The following NWD2 variants were observed in gnomAD, a reference collection of about 807,000 sequenced individuals.
NWD2 encodes NACHT and WD repeat domain containing 2.
NWD2 carries 37 observed loss-of-function variants against 132.7 expected under a neutral mutation model. The ratio of observed to expected loss-of-function variants is 0.28; its 90% CI spans 0.21 to 0.37. NWD2 has a LOEUF of 0.37. NWD2 is among the 10% of genes least tolerant of loss of function. NWD2 has a pLI of 1.00. For synonymous variants in NWD2, 705 were observed against 803.0 expected (o/e 0.88, Z 2.06); for missense variants, 1,592 against 2,122.4 (o/e 0.75, Z 4.91).
rs569816903 is a variant in NWD2 at position 37,313,345 on chromosome 4, G to T, written c.152-12591G>T. Among the ~76,000 whole-genome samples, 24 of 151,094 alleles carry T rather than the reference G, an allele frequency of 1.6e-4. 1 individual carries two copies. In the South Asian group the frequency reaches 5.0e-3, roughly 31 times the overall value. On this transcript the variant is annotated intron_variant, in intron 1 of 6. Coordinates refer to ENST00000309447, the MANE Select transcript of NWD2 (RefSeq NM_001144990.2). Reference sequence around the variant, plus strand: ...TATTCAGAGATTCAACTTCTTCCTGGTTTGGTCTTGGGAGGGTGTATGTGT... The same window carrying T: ...TATTCAGAGATTCAACTTCTTCCTGTTTTGGTCTTGGGAGGGTGTATGTGT...
chr4:37,369,731 G>A (rs983881901), intron 3 of NWD2, among the ~76,000 whole-genome samples: 2 of 152,134 alleles, frequency 1.3e-5, no homozygotes, highest in Non-Finnish European at 2.9e-5. Context: ...AGGTAGAGGG[G>A]GGGTCAAAGT....
intron 3 of NWD2, among the ~76,000 whole-genome samples, chr4:37,375,713 T>C (rs1396472127): frequency 1.3e-5 from 2 of 152,010 alleles, no homozygotes; most frequent in African/African-American, 2.4e-5. Flanking sequence ...GGACTACAGG[T>C]CCCTGCCACC....
intron 1 of NWD2, among the ~76,000 whole-genome samples, chr4:37,270,908 G>A (rs1717859011): frequency 6.6e-6 from 1 of 151,804 alleles, no homozygotes; most frequent in Non-Finnish European, 1.5e-5. Context: ...TCCAGTTTGA[G>A]TGGATTTTTG....
At chr4:37,296,711 G>T (rs540263237) in intron 1 of NWD2, among the ~76,000 whole-genome samples, 1 of 151,976 alleles carries the variant, frequency 6.6e-6, no homozygotes, top group Admixed American at 6.6e-5. Context: ...GGGGACCTAG[G>T]GATAAAAAAG....
chr4:37,419,987 A>G (rs557258612), intron 3 of NWD2, among the ~76,000 whole-genome samples: 1 of 152,318 alleles, frequency 6.6e-6, no homozygotes, highest in East Asian at 1.9e-4. Context: ...ACTCTGTCTG[A>G]GAGTGCCTGT....
chr4:37,314,720 A>G (rs111571377), intron 1 of NWD2, among the ~76,000 whole-genome samples: 106 of 152,130 alleles, frequency 7.0e-4, no homozygotes, highest in African/African-American at 2.4e-3. Context: ...CAAGGAACCA[A>G]CTTTTTACTT....
intron 1 of NWD2, among the ~76,000 whole-genome samples, chr4:37,318,563 A>G (rs1719004977): frequency 6.6e-6 from 1 of 152,062 alleles, no homozygotes; most frequent in Non-Finnish European, 1.5e-5. Flanking sequence ...AGTGCCCAAC[A>G]GTTAGTTTTG....
intron 1 of NWD2, among the ~76,000 whole-genome samples, chr4:37,281,933 A>G (rs1192550209): frequency 4.6e-5 from 7 of 152,210 alleles, no homozygotes; most frequent in Admixed American, 3.3e-4. Context: ...ATGGCTAAAC[A>G]TAGCTTCATA....
At chr4:37,284,278 C>A (rs754144108) in intron 1 of NWD2, among the ~76,000 whole-genome samples, 1 of 152,224 alleles carries the variant, frequency 6.6e-6, no homozygotes, top group Non-Finnish European at 1.5e-5. Flanking sequence ...TGTAAGGTCA[C>A]TAATCCAATC....
intron 1 of NWD2, among the ~76,000 whole-genome samples, chr4:37,248,769 A>C (rs1717294413): frequency 6.6e-6 from 1 of 152,206 alleles, no homozygotes; most frequent in Admixed American, 6.5e-5. Context: ...AGTTTATAGG[A>C]AGGTACAGTC....
rs537576965 is a variant in NWD2 at position 37,285,184 on chromosome 4, C to G, written c.151+39966C>G. Among the ~76,000 whole-genome samples, 20 of 152,276 alleles carry G rather than the reference C, an allele frequency of 1.3e-4. No homozygotes were observed. The South Asian group carries it at 4.1e-3, about 32-fold the overall frequency. Reference sequence around the variant, plus strand: ...AGTCACAGTAATTATTGGCAGAACTCAAATTTAGTTCATATGACTCTTGTG... The same window carrying G: ...AGTCACAGTAATTATTGGCAGAACTGAAATTTAGTTCATATGACTCTTGTG... On this transcript the variant is annotated intron_variant, in intron 1 of 6. Transcript: ENST00000309447.
At chr4:37,290,861 G>A (rs1399297234) in intron 1 of NWD2, among the ~76,000 whole-genome samples, 1 of 152,186 alleles carries the variant, frequency 6.6e-6, no homozygotes, top group African/African-American at 2.4e-5. Flanking sequence ...ATTAGTTTCT[G>A]AGTTTGACTG....
chr4:37,318,225 C>T (rs1231434757), intron 1 of NWD2, among the ~76,000 whole-genome samples: 4 of 151,884 alleles, frequency 2.6e-5, no homozygotes, highest in Non-Finnish European at 4.4e-5. Context: ...TGGGGTTTCA[C>T]CATGTTGGCC....
In NWD2 at chr4:37,360,445, AATATTTGTAAAATGCATATGGTACATAT is replaced by A. The variant is rs1348313006; in HGVS notation, c.357+3970_357+3997del. ...TCTTATGTGTATATTAATAAAATGT[AATATTTGTAAAATGCATATGGTACATAT>A]ATATTTTGTTTTTCTAGATATGAAT... On this transcript the variant is annotated intron_variant, in intron 3 of 6. Transcript: ENST00000309447. Among the ~76,000 whole-genome samples, 3 of 152,220 alleles carry A rather than the reference AATATTTGTAAAATGCATATGGTACATAT, an allele frequency of 2.0e-5. No homozygotes were observed. In the East Asian group the frequency reaches 5.8e-4, roughly 29 times the overall value.
chr4:37,425,431 T>C (rs984835657), intron 3 of NWD2, among the ~76,000 whole-genome samples: 3 of 152,230 alleles, frequency 2.0e-5, no homozygotes, highest in African/African-American at 7.2e-5. Context: ...TGTTTAAGAA[T>C]AGGCCAATTT....
chr4:37,247,892 G>A (rs1283122695), intron 1 of NWD2, among the ~76,000 whole-genome samples: 1 of 152,158 alleles, frequency 6.6e-6, no homozygotes, highest in Non-Finnish European at 1.5e-5. Context: ...TTACAGGTGT[G>A]AGCCACCGCA....
At chr4:37,313,693 T>C (rs1377077825) in intron 1 of NWD2, among the ~76,000 whole-genome samples, 1 of 150,878 alleles carries the variant, frequency 6.6e-6, no homozygotes, top group East Asian at 1.9e-4. Flanking sequence ...TTTTTGTTTG[T>C]TTGTTTGTTG....
Position 37,448,431 on chromosome 4 carries a change from C to A in NWD2, c.*1214C>A, listed in dbSNP as rs925327969. 3 of 152,126 alleles carry A rather than the reference C, an allele frequency of 2.0e-5. No individual in the cohort carries two copies. Among genetic ancestry groups the A allele is most frequent in the Non-Finnish European group, 4.4e-5 (3 of 68,006 alleles). The allele number at this position is 152,126 out of a possible 1,614,324, so 9.4% of individuals were successfully genotyped here. A position where few individuals can be genotyped will look rare whatever the true frequency, so the allele number is the denominator to read the frequency against. On this transcript the variant is annotated 3_prime_UTR_variant, in exon 7 of 7. Transcript: ENST00000309447. ...AGGACTCTTCTGAGCCTTTTATAGT[C>A]CTATCCATTTCAAAGCAGAAGCTGT...
intron 1 of NWD2, among the ~76,000 whole-genome samples, chr4:37,315,571 A>C (rs10001995): frequency 0.073 from 11,071 of 151,890 alleles, 1,240 homozygotes; most frequent in African/African-American, 0.24. Context: ...TACTTTCAAC[A>C]TATTTGTGGT....
Sources: gnomAD v4.1 joint callset for allele counts (sites outside exome capture counted in the v4.1 genomes callset) on GRCh38, gnomAD v4.1.1 for gene constraint, MANE v1.5 for transcripts, NCBI Gene and HGNC (gene_info 2026-07-23, HGNC 2026-07-21) for gene names.